The following PTPRD variants were observed in gnomAD, a reference collection of about 807,000 sequenced individuals.
PTPRD encodes receptor-type tyrosine-protein phosphatase delta.
Under a neutral mutation model 214.5 loss-of-function variants are expected in PTPRD, and 34 were observed. The observed-to-expected ratio is 0.16, with a 90% CI of 0.12 to 0.21. The LOEUF (loss-of-function observed/expected upper bound fraction) is 0.21. Ranked by LOEUF, PTPRD falls within the 10% of genes least tolerant of loss-of-function variation. The pLI, the probability that PTPRD is intolerant of heterozygous loss-of-function variation, is 1.00. For missense variants in PTPRD, 2,545 were observed against 2,398.7 expected, an observed-to-expected ratio of 1.06 and a Z score of -1.27; for synonymous variants, 1,128 against 845.7, an observed-to-expected ratio of 1.33 and a Z score of -5.79.
intron 5 of PTPRD, among the ~76,000 whole-genome samples, chr9:9,811,143 C>A (rs1483732729): frequency 6.6e-6 from 1 of 151,966 alleles, no homozygotes; most frequent in African/African-American, 2.4e-5. Flanking sequence ...GAGGCTGAGG[C>A]AAGAGAGCCG....
chr9:8,362,016 C>G (rs935614911), intron 39 of PTPRD, among the ~76,000 whole-genome samples: 9 of 152,190 alleles, frequency 5.9e-5, no homozygotes, highest in Non-Finnish European at 1.0e-4. Flanking sequence ...GATGAGATTG[C>G]CCATGCAGAA....
intron 11 of PTPRD, among the ~76,000 whole-genome samples, chr9:8,963,843 G>C (rs1369452673): frequency 6.6e-6 from 1 of 151,956 alleles, no homozygotes; most frequent in African/African-American, 2.4e-5. Context: ...CAAATTCCTG[G>C]GTTCAAGGAG....
At chr9:8,567,371 G>T (rs1002951374) in intron 14 of PTPRD, among the ~76,000 whole-genome samples, 3 of 152,072 alleles carry the variant, frequency 2.0e-5, no homozygotes, top group African/African-American at 7.2e-5. Context: ...AATCTTCCCT[G>T]ACCTCTTCTC....
chr9:10,125,506 G>C (rs560070589), intron 3 of PTPRD, among the ~76,000 whole-genome samples: 2 of 147,994 alleles, frequency 1.4e-5, no homozygotes, highest in African/African-American at 2.5e-5. Flanking sequence ...CCAGGTTGTA[G>C]TGCAGTGGCG....
chr9:9,941,891 G>A (rs1419012128), intron 4 of PTPRD, among the ~76,000 whole-genome samples: 2 of 152,126 alleles, frequency 1.3e-5, no homozygotes, highest in Admixed American at 1.3e-4. Context: ...GTAGTTATTA[G>A]CTAACTATGA....
At chr9:10,047,434 T>C (rs2097427519) in intron 3 of PTPRD, among the ~76,000 whole-genome samples, 1 of 151,878 alleles carries the variant, frequency 6.6e-6, no homozygotes, top group Admixed American at 6.6e-5. Context: ...ATGTTACAAT[T>C]ATTTATTTCA....
chr9:9,037,630 TA>T (rs1407259889), intron 10 of PTPRD, among the ~76,000 whole-genome samples: 2 of 152,166 alleles, frequency 1.3e-5, no homozygotes, highest in African/African-American at 4.8e-5. Flanking sequence ...GGGCTTAAGG[TA>T]AAAGTACCCT....
intron 11 of PTPRD, among the ~76,000 whole-genome samples, chr9:9,001,534 T>C (rs2099418335): frequency 6.6e-6 from 1 of 151,926 alleles, no homozygotes; most frequent in African/African-American, 2.4e-5. Flanking sequence ...ACCACAGGCT[T>C]CTTTAGGTTC....
At chr9:10,536,777 G>A (rs2057903772) in intron 2 of PTPRD, among the ~76,000 whole-genome samples, 4 of 152,084 alleles carry the variant, frequency 2.6e-5, no homozygotes, top group Non-Finnish European at 4.4e-5. Context: ...TTAAAAGTGA[G>A]GTTAATACCT....
intron 3 of PTPRD, among the ~76,000 whole-genome samples, chr9:10,194,997 G>C (rs867003187): frequency 6.7e-6 from 1 of 149,402 alleles, no homozygotes; most frequent in Non-Finnish European, 1.5e-5. Flanking sequence ...CAGTGGTATG[G>C]TCCCGGCTCA....
chr9:9,372,102 G>A (rs1352725605), intron 9 of PTPRD, among the ~76,000 whole-genome samples: 1 of 152,164 alleles, frequency 6.6e-6, no homozygotes, highest in African/African-American at 2.4e-5. Context: ...GATTTGGGGT[G>A]GAGAGTTCTG....
chr9:8,636,627 C>A (rs1564878717), intron 13 of PTPRD, 72 bp downstream of exon 13: 2 of 1,546,338 alleles, frequency 1.3e-6, no homozygotes, highest in Non-Finnish European at 1.8e-6. Flanking sequence ...GTAAAGCAAG[C>A]AAGTAACGTA....
intron 5 of PTPRD, among the ~76,000 whole-genome samples, chr9:9,801,044 A>C (rs1183934086): frequency 1.3e-5 from 2 of 152,044 alleles, no homozygotes; most frequent in Non-Finnish European, 2.9e-5. Flanking sequence ...ACTGTTATTT[A>C]TTATTTATTT....
chr9:10,214,289 T>C lies in PTPRD; in HGVS notation c.-545+126674A>G, dbSNP rs1333611512. ...TTCTTTTTGTTTGTTTGTTTGTTTG[T>C]TTTTGAGACAGACTTTCACTCTTGT... is the stretch of plus-strand genomic sequence containing the variant. On this transcript the variant is annotated intron_variant, in intron 3 of 45. Coordinates refer to ENST00000381196, the MANE Select transcript of PTPRD (RefSeq NM_002839.4). Among the ~76,000 whole-genome samples, 3 of 152,202 alleles carry C rather than the reference T, an allele frequency of 2.0e-5. No individual in the cohort carries two copies. In the East Asian group the frequency reaches 5.8e-4, roughly 29 times the overall value.
At chr9:9,765,097 T>G (rs1285951488) in intron 6 of PTPRD, among the ~76,000 whole-genome samples, 1 of 152,130 alleles carries the variant, frequency 6.6e-6, no homozygotes, top group Non-Finnish European at 1.5e-5. Context: ...CTTATTTTCT[T>G]TGGATATTCT....
At chr9:10,235,983 T>A (rs2099627643) in intron 3 of PTPRD, among the ~76,000 whole-genome samples, 1 of 151,916 alleles carries the variant, frequency 6.6e-6, no homozygotes, top group Non-Finnish European at 1.5e-5. Flanking sequence ...ACTAGCCTGC[T>A]TGGAACTGGG....
At chr9:9,638,561 G>C (rs892276953) in intron 7 of PTPRD, among the ~76,000 whole-genome samples, 21 of 152,082 alleles carry the variant, frequency 1.4e-4, no homozygotes, top group African/African-American at 4.8e-4. Flanking sequence ...TTTCTTCTGA[G>C]CCCTCACCTG....
intron 5 of PTPRD, among the ~76,000 whole-genome samples, chr9:9,773,043 C>T (rs925282750): frequency 6.6e-6 from 1 of 152,070 alleles, no homozygotes; most frequent in African/African-American, 2.4e-5. Context: ...AAATATTGTG[C>T]TTTTATTTGT....
In PTPRD at chr9:9,931,726, C is replaced by T. The variant is rs573360918; in HGVS notation, c.-368+6781G>A. Among the ~76,000 whole-genome samples the T allele has an allele frequency of 4.6e-5, 7 of 151,934 alleles. No homozygotes were observed. The South Asian group carries it at 1.3e-3, about 27-fold the overall frequency. On this transcript the variant is annotated intron_variant, in intron 5 of 45. Transcript: ENST00000381196. The stretch of plus-strand genomic sequence containing the variant: ...AGCTCGAACTGGGTGGAGTCCACCA[C>T]AGCTCAAGGAGGCCTGCCTACCTCT...
Sources: gnomAD v4.1 joint callset for allele counts (sites outside exome capture counted in the v4.1 genomes callset) on GRCh38, gnomAD v4.1.1 for gene constraint, MANE v1.5 for transcripts, NCBI Gene and HGNC (gene_info 2026-07-23, HGNC 2026-07-21) for gene names.